Variants in CCN5 observed in about 807,000 individuals in gnomAD.
CCN5 encodes the protein CCN family member 5.
A neutral mutation model predicts 18.7 loss-of-function variants in CCN5; 17 were observed. The observed-to-expected ratio is 0.91, with a 90% CI of 0.62 to 1.36. CCN5 has a LOEUF of 1.36. Among genes scored for constraint, CCN5 ranks in the 40% most tolerant of loss-of-function variants. The pLI is 0.00. For synonymous variants in CCN5, 135 were observed against 145.2 expected (o/e 0.93, Z 0.50); for missense variants, 367 against 342.9 (o/e 1.07, Z -0.56).
rs1024087932 is a variant in CCN5, at chr20:44,727,462, G to A, written c.*155G>A. On this transcript the variant is annotated 3_prime_UTR_variant, in exon 4 of 4. Transcript: ENST00000190983. ...CCATGCAGAACACCAATATTAACAC[G>A]CTGCCTGGTCTGTCTGGATCCCGAG... The A allele has an allele frequency of 3.3e-5, 48 of 1,435,498 alleles. No individual in the cohort carries two copies. Among genetic ancestry groups the A allele is most frequent in the Non-Finnish European group, 4.1e-5 (45 of 1,089,830 alleles). The allele number at this position is 1,435,498 out of a possible 1,614,324, so 88.9% of individuals were successfully genotyped here. A position where few individuals can be genotyped will look rare whatever the true frequency, so the allele number is the denominator to read the frequency against.
At chr20:44,716,624 C>CG (rs2065861595) in intron 1 of CCN5, 1 of 152,252 alleles carries the variant, frequency 6.6e-6, no homozygotes. Context: ...GTGAGACTTA[C>CG]GGGACCATTC....
intron 1 of CCN5, chr20:44,716,544 G>C (rs2065861057): frequency 6.6e-6 from 1 of 152,376 alleles, no homozygotes; most frequent in South Asian, 2.1e-4. Flanking sequence ...GGGACTTGGG[G>C]CTCTAGGAGG....
At chr20:44,727,005 T>C (rs1358560138) in intron 3 of CCN5, 82 bp from the exon 4 acceptor site, 1 of 1,366,108 alleles carries the variant, frequency 7.3e-7, no homozygotes, top group Non-Finnish European at 9.9e-7. Context: ...TTGACCAAGA[T>C]TGCCGTGGCC....
At chr20:44,721,734 C>T (rs2065901461) in intron 2 of CCN5, among the ~76,000 whole-genome samples, 1 of 152,192 alleles carries the variant, frequency 6.6e-6, no homozygotes, top group South Asian at 2.1e-4. Flanking sequence ...TTATTTTACA[C>T]TTGCACAGCC....
Position 44,719,968 on chromosome 20 carries a change from C to T in CCN5, c.132C>T (p.Pro44=), listed in dbSNP as rs779852711. 6.2e-6 allele frequency: 10 copies of T among 1,613,656 alleles called. No individual in the cohort carries two copies. Among genetic ancestry groups the T allele is most frequent in the African/African-American group, 4.0e-5 (3 of 74,930 alleles). Residue 44 remains proline (P), a synonymous_variant, in exon 2 of 4, where the codon CCC becomes CCT. Coordinates refer to ENST00000190983, the MANE Select transcript of CCN5 (RefSeq NM_003881.4). The part of the protein sequence containing the change: ...WPPPRCPLGV[P]LVLDGCGCCR... ...CTCCCCGATGCCCGCTGGGAGTACC[C>T]CTGGTGCTGGATGGCTGTGGCTGCT...
At chr20:44,725,679 T>C (rs1011687287) in intron 3 of CCN5, among the ~76,000 whole-genome samples, 1 of 150,682 alleles carries the variant, frequency 6.6e-6, no homozygotes, top group Non-Finnish European at 1.5e-5. Context: ...ATTTATAATA[T>C]ATTGATACAT....
chr20:44,724,855 C>G lies in CCN5; in HGVS notation c.395C>G (p.Pro132Arg). ...RCEDGGFTCV[P>R]LCSEDVRLPS... is the part of the protein sequence containing the mutation. Reference sequence around the variant, plus strand: ...GAGGACGGCGGCTTCACCTGCGTGCCGCTGTGCAGCGAGGATGTGCGGCTG... The same window carrying G: ...GAGGACGGCGGCTTCACCTGCGTGCGGCTGTGCAGCGAGGATGTGCGGCTG... Residue 132 changes from proline to arginine, a missense_variant, in exon 3 of 4, where the codon CCG (proline) becomes CGG (arginine). Transcript: ENST00000190983. 1 of 1,596,794 alleles carries G rather than the reference C, an allele frequency of 6.3e-7. No individual in the cohort carries two copies. The highest frequency in any genetic ancestry group is 8.5e-7 in the Non-Finnish European group (1 of 1,172,770).
At chr20:44,715,258 TGTGAGCGCGCGC>T (rs1367472044), upstream of CCN5, 55 of 302,880 alleles carry the variant, frequency 1.8e-4, no homozygotes, top group African/African-American at 1.3e-3. Context: ...TGTGTGTGTG[TGTGAGCGCGCGC>T]GCGCGCGCGC....
upstream of CCN5, chr20:44,715,120 G>A (rs1600984632): frequency 4.8e-6 from 2 of 412,814 alleles, no homozygotes; most frequent in Non-Finnish European, 4.6e-6. Context: ...ACACACACAC[G>A]GACAGGCACC....
In CCN5 at chr20:44,715,818, T is replaced by C. The variant is rs529533379; in HGVS notation, c.60+368T>C. Among the ~76,000 whole-genome samples the C allele has an allele frequency of 2.4e-4, 37 of 152,348 alleles. No individual in the cohort carries two copies. In the East Asian group the frequency reaches 5.4e-3, roughly 22 times the overall value. The stretch of plus-strand genomic sequence containing the variant: ...GAATGGGGGCACTCAAGACATGACA[T>C]GCTTGGCCTAACTCTGAGCCAGCAT... On this transcript the variant is annotated intron_variant, in intron 1 of 3. Coordinates refer to ENST00000190983, the MANE Select transcript of CCN5 (RefSeq NM_003881.4).
Position 44,720,130 on chromosome 20 carries a change from G to A in CCN5, c.277+17G>A. Reference sequence around the variant, plus strand: ...TGTGCCTCTGTAAGCAGGTTTGCAGGACTGAGTGGGGGCGGGTGTGAGCGG... The same window carrying A: ...TGTGCCTCTGTAAGCAGGTTTGCAGAACTGAGTGGGGGCGGGTGTGAGCGG... On this transcript the variant is annotated intron_variant, in intron 2 of 3. Coordinates refer to ENST00000190983, the MANE Select transcript of CCN5 (RefSeq NM_003881.4). 4 of 1,539,596 alleles carry A rather than the reference G, an allele frequency of 2.6e-6. No homozygotes were observed. The highest frequency in any genetic ancestry group is 3.5e-6 in the Non-Finnish European group (4 of 1,148,558).
In CCN5 at chr20:44,719,984, TG is replaced by T. The variant is rs1404812495; in HGVS notation, c.149del (p.Cys50LeufsTer53). On this transcript the variant is annotated frameshift_variant, in exon 2 of 4. Transcript: ENST00000190983. LOFTEE classifies it high-confidence loss of function. The stretch of plus-strand genomic sequence containing the variant: ...GGGAGTACCCCTGGTGCTGGATGGC[TG>T]TGGCTGCTGCCGGGTATGTGCACGG... ...PLGVPLVLDG[C>X]GCCRVCARRL... is the part of the protein sequence containing the mutation. The T allele has an allele frequency of 1.2e-6, 2 of 1,613,048 alleles. No homozygotes were observed. Among genetic ancestry groups the T allele is most frequent in the African/African-American group, 2.7e-5 (2 of 74,948 alleles).
rs773357339 is a variant in CCN5, at chr20:44,719,999, G to C, written c.163G>C (p.Val55Leu). The C allele has an allele frequency of 2.5e-6, 4 of 1,611,776 alleles. No homozygotes were observed. The African/African-American group carries it at 5.3e-5, about 22-fold the overall frequency. ...GCTGGATGGCTGTGGCTGCTGCCGG[G>C]TATGTGCACGGCGGCTGGGGGAGCC... is the stretch of plus-strand genomic sequence containing the variant. The part of the protein sequence containing the change: ...LVLDGCGCCR[V>L]CARRLGEPCD... The change falls in exon 2 of 4, where the codon GTA becomes CTA. Residue 55 changes from valine to leucine, a missense_variant. By Grantham distance (32) the Val-to-Leu change is conservative. Transcript: ENST00000190983.
rs187537268 is a variant in CCN5, at chr20:44,715,731, T to C, written c.60+281T>C. On this transcript the variant is annotated intron_variant, in intron 1 of 3. Coordinates refer to ENST00000190983, the MANE Select transcript of CCN5 (RefSeq NM_003881.4). Reference sequence around the variant, plus strand: ...GTTTGTGAGGCCTCTGTGAAGACCATTCATGATCATTCATCAAACTTACCA... The same window carrying C: ...GTTTGTGAGGCCTCTGTGAAGACCACTCATGATCATTCATCAAACTTACCA... 2.1e-3 allele frequency among the ~76,000 whole-genome samples: 314 copies of C among 152,302 alleles called. 8 individuals are homozygous for C. Among genetic ancestry groups the C allele is most frequent in the Admixed American group, 0.019 (297 of 15,298 alleles).
Position 44,727,740 on chromosome 20 carries a change from CAG to C in CCN5, c.*437_*438del, listed in dbSNP as rs1468026908. ...GGGGGTAGGATGAAGAGAAGGCACA[CAG>C]AGATTCTGGATCTCCTGCTGCCTTT... On this transcript the variant is annotated 3_prime_UTR_variant, in exon 4 of 4. Coordinates refer to ENST00000190983, the MANE Select transcript of CCN5 (RefSeq NM_003881.4). 2 of 310,234 alleles carry C rather than the reference CAG, an allele frequency of 6.4e-6. No homozygotes were observed. Among genetic ancestry groups the C allele is most frequent in the Non-Finnish European group, 1.2e-5 (2 of 171,278 alleles). The allele number at this position is 310,234 out of a possible 1,614,324, so 19.2% of individuals were successfully genotyped here.
chr20:44,720,063 T>G lies in CCN5; in HGVS notation c.227T>G (p.Leu76Arg), dbSNP rs1247158347. 6.3e-7 allele frequency: 1 copy of G among 1,586,088 alleles called. No homozygotes were observed. Among genetic ancestry groups the G allele is most frequent in the Non-Finnish European group, 8.5e-7 (1 of 1,171,738 alleles). Residue 76 changes from leucine to arginine, a missense_variant, in exon 2 of 4, where the codon CTG becomes CGG. Leu to Arg is a moderately radical substitution (Grantham distance 102). Coordinates refer to ENST00000190983, the MANE Select transcript of CCN5 (RefSeq NM_003881.4). ...QLHVCDASQG[L>R]VCQPGAGPGG... is the part of the protein sequence containing the mutation. ...CACGTCTGCGACGCCAGCCAGGGCCTGGTCTGCCAGCCCGGGGCAGGACCC... is the reference window on the plus strand; with the variant it reads ...CACGTCTGCGACGCCAGCCAGGGCCGGGTCTGCCAGCCCGGGGCAGGACCC...
chr20:44,725,916 C>G (rs1021754267), intron 3 of CCN5, among the ~76,000 whole-genome samples: 1 of 152,084 alleles, frequency 6.6e-6, no homozygotes, highest in Non-Finnish European at 1.5e-5. Flanking sequence ...CTAAAAAAGG[C>G]AACTGAAAAG....
intron 2 of CCN5, chr20:44,721,067 T>C (rs1229855678): frequency 6.6e-6 from 1 of 152,168 alleles, no homozygotes; most frequent in Non-Finnish European, 1.5e-5. Flanking sequence ...GTTCTTCTTT[T>C]TTCTTTTTTA....
chr20:44,723,789 G>A (rs1329060401), intron 2 of CCN5: 5 of 152,244 alleles, frequency 3.3e-5, no homozygotes, highest in Non-Finnish European at 7.3e-5. Flanking sequence ...GGAGCACAGT[G>A]GTTGGCACAC....
Sources: gnomAD v4.1 joint callset for allele counts (sites outside exome capture counted in the v4.1 genomes callset) on GRCh38, gnomAD v4.1.1 for gene constraint, MANE v1.5 for transcripts, NCBI Gene and HGNC (gene_info 2026-07-23, HGNC 2026-07-21) for gene names.